Variants in ZMYM2 observed in about 807,000 individuals in gnomAD.
The protein encoded by ZMYM2 is zinc finger MYM-type containing 2, also known as zinc finger MYM-type protein 2.
In ZMYM2, 56 loss-of-function variants were observed where a neutral mutation model predicts 162.8. That is an observed-to-expected ratio of 0.34 (90% CI 0.28 to 0.43). The LOEUF (loss-of-function observed/expected upper bound fraction) is 0.43, where lower values mean the gene tolerates loss of function less well. Among genes scored for constraint, ZMYM2 ranks in the 20% least tolerant of loss-of-function variants. The pLI is 1.00. For missense variants in ZMYM2, 1,275 were observed against 1,621.8 expected (o/e 0.79, Z 3.67); for synonymous variants, 510 against 541.6 (o/e 0.94, Z 0.81).
At position 20,018,348 on chromosome 13, in the gene ZMYM2, G is replaced by A. The variant is rs143272290; in HGVS notation, c.1513-1199G>A. Among the ~76,000 whole-genome samples the A allele has an allele frequency of 5.3e-3, 813 of 152,210 alleles. 4 individuals are homozygous for A. The highest frequency in any genetic ancestry group is 0.019 in the African/African-American group (792 of 41,522). Reference sequence around the variant, plus strand: ...ATTCATTAGTTAAATAAATAGGTGGGAGTCCATGCCTTACTATTTTACTGA... The same window carrying A: ...ATTCATTAGTTAAATAAATAGGTGGAAGTCCATGCCTTACTATTTTACTGA... On this transcript the variant is annotated intron_variant, in intron 6 of 24. Coordinates refer to ENST00000610343, the MANE Select transcript of ZMYM2 (RefSeq NM_197968.4).
intron 15 of ZMYM2, 180 bp downstream of exon 15, chr13:20,058,884 C>A: frequency 1.2e-6 from 1 of 820,888 alleles, no homozygotes; most frequent in Non-Finnish European, 2.1e-6. Context: ...CATTTTAAAT[C>A]ATTATGATCA....
intron 4 of ZMYM2, 45 bp from the exon 5 acceptor site, chr13:20,005,028 GA>G: frequency 6.7e-7 from 1 of 1,499,952 alleles, no homozygotes; most frequent in Non-Finnish European, 9.1e-7. Flanking sequence ...TCTTATATTT[GA>G]TTTCTTTTAA....
chr13:20,034,297 A>G lies in ZMYM2; in HGVS notation c.2012A>G (p.Tyr671Cys), dbSNP rs1566355666. 1 of 1,610,742 alleles carries G rather than the reference A, an allele frequency of 6.2e-7. No homozygotes were observed. The highest frequency in any genetic ancestry group is 2.2e-5 in the East Asian group (1 of 44,740). The change falls in exon 11 of 25, where the codon TAT becomes TGT. Residue 671 changes from tyrosine to cysteine, a missense_variant. Transcript: ENST00000610343. Reference sequence around the variant, plus strand: ...TGCAGCAAAACTTGTTCAGATGACTATAAGAAGTTGCATTGCATAGTTACA... The same window carrying G: ...TGCAGCAAAACTTGTTCAGATGACTGTAAGAAGTTGCATTGCATAGTTACA... The part of the protein sequence containing the change: ...QFCSKTCSDD[Y>C]KKLHCIVTYC...
In ZMYM2 at chr13:20,004,568, C is replaced by T. The variant is rs941100430; in HGVS notation, c.1134-506C>T. On this transcript the variant is annotated intron_variant, in intron 4 of 24. Coordinates refer to ENST00000610343, the MANE Select transcript of ZMYM2 (RefSeq NM_197968.4). ...CTGCGCTCAGCAGTATTGTCATTTTCTAATATTTCTATTTACTGTTGGAGA... is the reference window on the plus strand; with the variant it reads ...CTGCGCTCAGCAGTATTGTCATTTTTTAATATTTCTATTTACTGTTGGAGA... Among the ~76,000 whole-genome samples, 4 of 152,168 alleles carry T rather than the reference C, an allele frequency of 2.6e-5. No individual in the cohort carries two copies. The South Asian group carries it at 8.3e-4, about 32-fold the overall frequency.
chr13:20,033,649 A>G (rs987355627), intron 10 of ZMYM2, among the ~76,000 whole-genome samples: 1 of 152,224 alleles, frequency 6.6e-6, no homozygotes, highest in East Asian at 1.9e-4. Flanking sequence ...TAACTTGTTC[A>G]TACCTGCTTG....
the ZMYM2 span, among the ~76,000 whole-genome samples, chr13:19,885,193 C>T: frequency 1.3e-5 from 2 of 152,146 alleles, no homozygotes; most frequent in Non-Finnish European, 2.9e-5. Flanking sequence ...AGAATCGCTG[C>T]AGCCCAGGAG....
At chr13:19,977,638 C>T (rs1490164483) in intron 2 of ZMYM2, among the ~76,000 whole-genome samples, 14 of 133,048 alleles carry the variant, frequency 1.1e-4, no homozygotes, top group South Asian at 7.7e-4. Context: ...GACTACCGTC[C>T]GCCACCACGC....
intron 12 of ZMYM2, among the ~76,000 whole-genome samples, chr13:20,047,065 G>C (rs1394383243): frequency 6.6e-6 from 1 of 152,138 alleles, no homozygotes; most frequent in African/African-American, 2.4e-5. Flanking sequence ...GAGGAATAAA[G>C]GTAAGAATAT....
At chr13:19,884,756 T>C in the ZMYM2 span, among the ~76,000 whole-genome samples, 1 of 151,760 alleles carries the variant, frequency 6.6e-6, no homozygotes, top group Non-Finnish European at 1.5e-5. Flanking sequence ...ATGTTACAGC[T>C]CTTCAACATA....
chr13:19,986,293 G>A (rs552422021), intron 2 of ZMYM2, among the ~76,000 whole-genome samples: 1 of 151,998 alleles, frequency 6.6e-6, no homozygotes, highest in African/African-American at 2.4e-5. Flanking sequence ...AGCTACACAG[G>A]CAGGAGGAGC....
chr13:20,052,330 G>A lies in ZMYM2; in HGVS notation c.2493+19G>A. 1 of 1,566,738 alleles carries A rather than the reference G, an allele frequency of 6.4e-7. No individual in the cohort carries two copies. The highest frequency in any genetic ancestry group is 1.9e-5 in the Admixed American group (1 of 53,348). On this transcript the variant is annotated intron_variant, in intron 14 of 24. Transcript: ENST00000610343. ...AATGACAGTAAGTATTGGTGAAATG[G>A]AGTGCTGAATTGTGATTTTTGTAAT...
intron 6 of ZMYM2, among the ~76,000 whole-genome samples, chr13:20,016,927 C>T (rs1010963722): frequency 3.9e-5 from 6 of 152,088 alleles, no homozygotes; most frequent in Non-Finnish European, 8.8e-5. Flanking sequence ...ATCTTTTGCC[C>T]CTTTCTCTTC....
chr13:20,072,689 GGT>G (rs1292443234), intron 21 of ZMYM2, among the ~76,000 whole-genome samples: 20 of 152,042 alleles, frequency 1.3e-4, no homozygotes, highest in Admixed American at 1.3e-3. Context: ...GGGGTGGCAG[GGT>G]GTGGATGGGT....
At chr13:20,009,143 C>T (rs1326396888) in intron 6 of ZMYM2, among the ~76,000 whole-genome samples, 2 of 152,062 alleles carry the variant, frequency 1.3e-5, no homozygotes, top group Middle Eastern at 6.3e-3. Context: ...TTATTTAGCC[C>T]TATATAAAAA....
Position 20,052,311 on chromosome 13 carries a change from A to T in ZMYM2, c.2493A>T (p.Thr831=), listed in dbSNP as rs200592124. The change falls in exon 14 of 25, where the codon ACA becomes ACT. Residue 831 remains threonine, a splice_region_variant and synonymous_variant. Coordinates refer to ENST00000610343, the MANE Select transcript of ZMYM2 (RefSeq NM_197968.4). ...GTCAGACATCTCGAACCAAAATGAC[A>T]GTAAGTATTGGTGAAATGGAGTGCT... is the stretch of plus-strand genomic sequence containing the variant. ...QGCQTSRTKM[T]GSAPPPSPTP... is the part of the protein sequence containing the mutation. 1 of 1,571,458 alleles carries T rather than the reference A, an allele frequency of 6.4e-7. No individual in the cohort carries two copies. The highest frequency in any genetic ancestry group is 8.6e-7 in the Non-Finnish European group (1 of 1,157,358).
chr13:20,018,255 TAA>T (rs1378850800), intron 6 of ZMYM2, among the ~76,000 whole-genome samples: 1 of 152,244 alleles, frequency 6.6e-6, no homozygotes, highest in Non-Finnish European at 1.5e-5. Flanking sequence ...AAAAATTATT[TAA>T]AATAGTGTTT....
the ZMYM2 span, among the ~76,000 whole-genome samples, chr13:19,912,502 T>C: frequency 2.6e-5 from 4 of 152,060 alleles, no homozygotes; most frequent in African/African-American, 9.6e-5. Flanking sequence ...CCAGCTACTT[T>C]TTTGTATTTC....
At chr13:20,060,901 C>T (rs1480525240) in intron 16 of ZMYM2, among the ~76,000 whole-genome samples, 152 bp from the exon 17 acceptor site, 2 of 152,140 alleles carry the variant, frequency 1.3e-5, no homozygotes, top group East Asian at 3.9e-4. Flanking sequence ...GCTTTCTTAT[C>T]ACAGTTAACA....
intron 5 of ZMYM2, among the ~76,000 whole-genome samples, 164 bp from the exon 6 acceptor site, chr13:20,006,210 G>A (rs1044661654): frequency 2.7e-5 from 4 of 149,122 alleles, no homozygotes; most frequent in Non-Finnish European, 5.9e-5. Context: ...TTTAGCCTGG[G>A]TAATGAGTGA....
Sources: allele counts gnomAD v4.1 joint callset (sites outside exome capture counted in the v4.1 genomes callset), GRCh38; gene constraint gnomAD v4.1.1; transcripts MANE v1.5; gene names NCBI Gene and HGNC (gene_info 2026-07-23, HGNC 2026-07-21).